The following FLRT2 variants were observed in gnomAD, a reference collection of about 807,000 sequenced individuals.
FLRT2 encodes the protein leucine-rich repeat transmembrane protein FLRT2.
A neutral mutation model predicts 40.0 loss-of-function variants in FLRT2; 15 were observed. The observed-to-expected ratio is 0.38, with a 90% CI of 0.25 to 0.58. The LOEUF is 0.58. Ranked by LOEUF, FLRT2 falls within the 20% of genes least tolerant of loss-of-function variation. FLRT2 has a pLI of 0.71. For missense variants in FLRT2, 726 were observed against 840.0 expected (o/e 0.86, Z 1.68); for synonymous variants, 380 against 336.8 (o/e 1.13, Z -1.41).
intron 1 of FLRT2, among the ~76,000 whole-genome samples, chr14:85,556,051 A>G (rs796640598): frequency 1.5e-4 from 23 of 152,322 alleles, no homozygotes; most frequent in African/African-American, 5.3e-4. Flanking sequence ...TTTACCATTA[A>G]GTTGGGAAAT....
chr14:85,617,126 C>CCCAAAGCA (rs1893174301), intron 1 of FLRT2, among the ~76,000 whole-genome samples: 2 of 151,842 alleles, frequency 1.3e-5, no homozygotes, highest in Admixed American at 1.3e-4. Flanking sequence ...ACACCACAGC[C>CCCAAAGCA]CCAAAGCACA....
intron 1 of FLRT2, among the ~76,000 whole-genome samples, chr14:85,583,749 C>G (rs1408292986): frequency 6.6e-6 from 1 of 152,106 alleles, no homozygotes; most frequent in Admixed American, 6.6e-5. Flanking sequence ...GAGGCAGAAG[C>G]CTCCTGAAAA....
chr14:85,581,001 G>T (rs1234485490), intron 1 of FLRT2, among the ~76,000 whole-genome samples: 1 of 152,124 alleles, frequency 6.6e-6, no homozygotes, highest in Non-Finnish European at 1.5e-5. Flanking sequence ...TTTCTTTCAT[G>T]TTTTATATAT....
At chr14:85,583,181 A>G (rs924499246) in intron 1 of FLRT2, among the ~76,000 whole-genome samples, 1 of 152,194 alleles carries the variant, frequency 6.6e-6, no homozygotes, top group Admixed American at 6.5e-5. Context: ...TGAAGGTTAA[A>G]TTGTCTCTGC....
At position 85,566,799 on chromosome 14, in the gene FLRT2, T is replaced by C. The variant is rs185698775; in HGVS notation, c.-377+36265T>C. 7.8e-4 allele frequency among the ~76,000 whole-genome samples: 117 copies of C among 150,674 alleles called. 3 individuals carry two copies. The South Asian group carries it at 0.016, about 21-fold the overall frequency. The stretch of plus-strand genomic sequence containing the variant: ...GAAAAAAAAAAAAAGAACATATCCC[T>C]TCTATGTATTAGCTTCCCAGGAATG... On this transcript the variant is annotated intron_variant, in intron 1 of 1. Transcript: ENST00000330753.
intron 1 of FLRT2, among the ~76,000 whole-genome samples, chr14:85,581,892 CAT>C (rs1448475827): frequency 6.6e-6 from 1 of 152,168 alleles, no homozygotes; most frequent in East Asian, 1.9e-4. Flanking sequence ...ACATGTGACA[CAT>C]GTGATTCTAT....
chr14:85,532,169 T>G (rs1032215906), intron 1 of FLRT2, among the ~76,000 whole-genome samples: 2 of 152,052 alleles, frequency 1.3e-5, no homozygotes, highest in Admixed American at 6.5e-5. Flanking sequence ...CCACTTAAAC[T>G]CTTCTGCGGG....
intron 1 of FLRT2, among the ~76,000 whole-genome samples, chr14:85,548,194 A>C (rs2139820222): frequency 6.6e-6 from 1 of 152,324 alleles, no homozygotes; most frequent in Non-Finnish European, 1.5e-5. Flanking sequence ...AAACTTCCAT[A>C]GAGTACCACT....
intron 1 of FLRT2, among the ~76,000 whole-genome samples, chr14:85,565,443 T>C (rs1890574103): frequency 6.6e-6 from 1 of 152,200 alleles, no homozygotes; most frequent in Non-Finnish European, 1.5e-5. Flanking sequence ...ATGACCTTGA[T>C]GTTGCTATTC....
chr14:85,558,009 T>TGTGGAAAGCATCCATAGACTTCC (rs1161980423), intron 1 of FLRT2, among the ~76,000 whole-genome samples: 4,470 of 152,014 alleles, frequency 0.029, 236 homozygotes, highest in African/African-American at 0.1. Context: ...CATAGACTTA[T>TGTGGAAAGCATCCATAGACTTCC]GTGGAAAGCA....
intron 1 of FLRT2, among the ~76,000 whole-genome samples, chr14:85,540,747 T>G (rs992152938): frequency 6.6e-6 from 1 of 152,166 alleles, no homozygotes; most frequent in African/African-American, 2.4e-5. Flanking sequence ...TGATTAGTAC[T>G]TTAGCAGTAC....
chr14:85,533,158 T>A (rs927914282), intron 1 of FLRT2, among the ~76,000 whole-genome samples: 4 of 151,512 alleles, frequency 2.6e-5, no homozygotes, highest in Non-Finnish European at 5.9e-5. Context: ...AGGGAGGGAA[T>A]GAGGGAGGGA....
chr14:85,606,588 G>C (rs987832776), intron 1 of FLRT2, among the ~76,000 whole-genome samples: 5 of 140,932 alleles, frequency 3.5e-5, no homozygotes, highest in Non-Finnish European at 6.0e-5. Context: ...GCGGTGGTGC[G>C]ATCTCAGCTC....
chr14:85,535,914 TTTTTTTTGTTGTTG>T (rs1274211581), intron 1 of FLRT2, among the ~76,000 whole-genome samples: 7 of 76,132 alleles, frequency 9.2e-5, no homozygotes, highest in African/African-American at 3.9e-4. Context: ...TTTTTTTTTT[TTTTTTTTGTTGTTG>T]TTGTTGTTGT....
At chr14:85,569,509 A>G (rs1445635376) in intron 1 of FLRT2, among the ~76,000 whole-genome samples, 1 of 152,202 alleles carries the variant, frequency 6.6e-6, no homozygotes, top group African/African-American at 2.4e-5. Flanking sequence ...CACTGGATGC[A>G]TTCAACTCAG....
rs1181002179 is a variant in FLRT2, at chr14:85,647,485, T to G, written c.*23988T>G. 1 of 152,192 alleles carries G rather than the reference T, an allele frequency of 6.6e-6. No individual in the cohort carries two copies. The highest frequency in any genetic ancestry group is 1.5e-5 in the Non-Finnish European group (1 of 68,028). The allele number at this position is 152,192 out of a possible 1,614,324, so 9.4% of individuals were successfully genotyped here. A position where few individuals can be genotyped will look rare whatever the true frequency, so the allele number is the denominator to read the frequency against. ...CCTTCCACATGATGTTGGGATATGA[T>G]GGCTTAGAAGTCTTACTAGTCAATG... On this transcript the variant is annotated 3_prime_UTR_variant, in exon 2 of 2. Coordinates refer to ENST00000330753, the MANE Select transcript of FLRT2 (RefSeq NM_013231.6).
In FLRT2 at chr14:85,621,790, G is replaced by C. The variant is rs773361874; in HGVS notation, c.276G>C (p.Thr92=). Residue 92 remains threonine (T), a synonymous_variant, in exon 2 of 2, where the codon ACG becomes ACC. Coordinates refer to ENST00000330753, the MANE Select transcript of FLRT2 (RefSeq NM_013231.6). Reference sequence around the variant, plus strand: ...TGCACAATGTACAGTCGGTGCACACGGTCTACCTGTATGGCAACCAACTGG... The same window carrying C: ...TGCACAATGTACAGTCGGTGCACACCGTCTACCTGTATGGCAACCAACTGG... ...AELHNVQSVH[T]VYLYGNQLDE... is the part of the protein sequence containing the mutation. 1 of 1,614,132 alleles carries C rather than the reference G, an allele frequency of 6.2e-7. No individual in the cohort carries two copies. The highest frequency in any genetic ancestry group is 8.5e-7 in the Non-Finnish European group (1 of 1,180,042).
intron 1 of FLRT2, among the ~76,000 whole-genome samples, chr14:85,592,969 T>C (rs745779081): frequency 1.1e-4 from 17 of 152,118 alleles, no homozygotes; most frequent in Admixed American, 1.3e-4. Flanking sequence ...TCAAATTACA[T>C]ACATGTTTAA....
At chr14:85,576,246 G>A (rs1891121534) in intron 1 of FLRT2, among the ~76,000 whole-genome samples, 1 of 152,150 alleles carries the variant, frequency 6.6e-6, no homozygotes, top group Admixed American at 6.6e-5. Context: ...CTCTAGTGCT[G>A]TTTTAATTAT....
Sources: allele counts gnomAD v4.1 joint callset (sites outside exome capture counted in the v4.1 genomes callset), GRCh38; gene constraint gnomAD v4.1.1; transcripts MANE v1.5; gene names NCBI Gene and HGNC (gene_info 2026-07-23, HGNC 2026-07-21).